Variants in CNTFR observed in about 807,000 individuals in gnomAD.
CNTFR encodes the protein ciliary neurotrophic factor receptor, also known as ciliary neurotrophic factor receptor subunit alpha.
Under a neutral mutation model 40.4 loss-of-function variants are expected in CNTFR, and 12 were observed. The observed-to-expected ratio is 0.30, with a 90% CI of 0.19 to 0.48. CNTFR has a LOEUF of 0.48. Ranked by LOEUF, CNTFR falls within the 20% of genes least tolerant of loss-of-function variation. CNTFR has a pLI of 0.99. For synonymous variants in CNTFR, 202 were observed against 209.6 expected (o/e 0.96, Z 0.31); for missense variants, 414 against 506.8 (o/e 0.82, Z 1.76).
chr9:34,552,633 A>G lies in CNTFR; in HGVS notation c.949+41T>C. 11 of 1,596,052 alleles carry G rather than the reference A, an allele frequency of 6.9e-6. No homozygotes were observed. Among genetic ancestry groups the G allele is most frequent in the Non-Finnish European group, 9.4e-6 (11 of 1,172,690 alleles). ...GCCACAGGTTCTACCACAGGCCTCC[A>G]GGACAGCAAAGCCAGGAGGTAGGGG... On this transcript the variant is annotated intron_variant, in intron 8 of 9. Coordinates refer to ENST00000378980, the MANE Select transcript of CNTFR (RefSeq NM_147164.3). This position sits in a 1 kb window ranked among gnomAD's most constrained non-coding sequence, Gnocchi z 5.1.
chr9:34,562,777 G>C (rs1170260446), intron 4 of CNTFR, among the ~76,000 whole-genome samples: 2 of 152,160 alleles, frequency 1.3e-5, no homozygotes, highest in Non-Finnish European at 2.9e-5. Context: ...CTGTTGGTGG[G>C]TACCTCCAGC....
rs1825909778 is a variant in CNTFR at position 34,557,801 on chromosome 9, T to C, written c.437+66A>G. Reference sequence around the variant, plus strand: ...AGGGCTGGGGTATGGACAGAGGGCATGGTGGTGGGATGGGGGAGAGGTCAG... The same window carrying C: ...AGGGCTGGGGTATGGACAGAGGGCACGGTGGTGGGATGGGGGAGAGGTCAG... On this transcript the variant is annotated intron_variant, in intron 5 of 9. Coordinates refer to ENST00000378980, the MANE Select transcript of CNTFR (RefSeq NM_147164.3). The surrounding 1 kb of genome is among the most constrained non-coding windows in gnomAD (Gnocchi z 4.2). 6.5e-6 allele frequency: 10 copies of C among 1,542,740 alleles called. No individual in the cohort carries two copies. Among genetic ancestry groups the C allele is most frequent in the Non-Finnish European group, 8.9e-6 (10 of 1,126,226 alleles).
intron 1 of CNTFR, among the ~76,000 whole-genome samples, chr9:34,587,213 T>C (rs1450837278): frequency 6.6e-6 from 1 of 152,206 alleles, no homozygotes; most frequent in East Asian, 1.9e-4. Flanking sequence ...GCATAAGCAT[T>C]AGAGTTCTAG....
At chr9:34,583,677 T>C (rs1335620053) in intron 1 of CNTFR, among the ~76,000 whole-genome samples, 2 of 151,716 alleles carry the variant, frequency 1.3e-5, no homozygotes, top group Non-Finnish European at 2.9e-5. Flanking sequence ...GGGGTTGTGC[T>C]GATCTGTTTC....
intron 1 of CNTFR, among the ~76,000 whole-genome samples, chr9:34,583,801 G>A (rs1480876991): frequency 6.6e-6 from 1 of 152,064 alleles, no homozygotes; most frequent in Non-Finnish European, 1.5e-5. Flanking sequence ...TTCTCTCCGG[G>A]CCTGGGCCAG....
intron 2 of CNTFR, among the ~76,000 whole-genome samples, chr9:34,574,809 CCT>C (rs1262806505): frequency 6.6e-6 from 1 of 152,224 alleles, no homozygotes; most frequent in African/African-American, 2.4e-5. Context: ...CCGTGGGGAC[CCT>C]GAGATCAGCA....
chr9:34,589,417 C>T lies in CNTFR; in HGVS notation c.-112+138G>A, dbSNP rs1470070867. On this transcript the variant is annotated intron_variant, in intron 1 of 9. Transcript: ENST00000378980. The surrounding 1 kb of genome is among the most constrained non-coding windows in gnomAD (Gnocchi z 4.4). Reference sequence around the variant, plus strand: ...CCCCGAGTTTGCAGGCAAAGTTTCTCGTGAACTTTCCTGTCGCCCCCGTCC... The same window carrying T: ...CCCCGAGTTTGCAGGCAAAGTTTCTTGTGAACTTTCCTGTCGCCCCCGTCC... The T allele has an allele frequency of 6.6e-6, 1 of 151,590 alleles. No homozygotes were observed. The highest frequency in any genetic ancestry group is 1.5e-5 in the Non-Finnish European group (1 of 67,830). The allele number at this position is 151,590 out of a possible 1,614,324, so 9.4% of individuals were successfully genotyped here. A position where few individuals can be genotyped will look rare whatever the true frequency, so the allele number is the denominator to read the frequency against.
chr9:34,570,182 G>A (rs903497501), intron 2 of CNTFR: 2 of 152,166 alleles, frequency 1.3e-5, no homozygotes, highest in Non-Finnish European at 2.9e-5. Context: ...TGCTGGCCGG[G>A]GACACTGCCC....
rs1825639580 is a variant in CNTFR at position 34,551,933 on chromosome 9, G to A, written c.*138C>T. 3 of 725,594 alleles carry A rather than the reference G, an allele frequency of 4.1e-6. No individual in the cohort carries two copies. The highest frequency in any genetic ancestry group is 2.7e-5 in the East Asian group (1 of 37,314). 44.9% of individuals were successfully genotyped at this position (725,594 alleles called of 1,614,324 possible). ...GGGGCGGCAGGCCCGGGCCCGCCGG[G>A]GTCTCCACAAATTGTGTCTGAAGAG... is the stretch of plus-strand genomic sequence containing the variant. On this transcript the variant is annotated 3_prime_UTR_variant, in exon 10 of 10. Coordinates refer to ENST00000378980, the MANE Select transcript of CNTFR (RefSeq NM_147164.3).
At position 34,552,112 on chromosome 9, in the gene CNTFR, GT is replaced by G; in HGVS notation, c.*-42del. On this transcript the variant is annotated intron_variant, in intron 9 of 9. Transcript: ENST00000378980. This position sits in a 1 kb window ranked among gnomAD's most constrained non-coding sequence, Gnocchi z 5.1. ...GGGGCCTGTCAGGGAGGGGGCTGGA[GT>G]GGGGGTTCCCTCAGGCTCCCTCTGC... 2 of 1,597,540 alleles carry G rather than the reference GT, an allele frequency of 1.3e-6. No individual in the cohort carries two copies.
At chr9:34,577,153 C>G (rs561307995) in intron 2 of CNTFR, among the ~76,000 whole-genome samples, 4 of 152,312 alleles carry the variant, frequency 2.6e-5, no homozygotes, top group East Asian at 3.9e-4. Flanking sequence ...GAGGAGTAGA[C>G]GCGGAGTCGC....
At position 34,568,886 on chromosome 9, in the gene CNTFR, T is replaced by C. The variant is rs1826437453; in HGVS notation, c.85+11A>G. On this transcript the variant is annotated intron_variant, in intron 3 of 9. Transcript: ENST00000378980. ...GAGGGGGGTCAGCAGGCGGCTCCCG[T>C]GAGCACTCACCCTGTGGACTGTGTC... The C allele has an allele frequency of 1.3e-6, 2 of 1,578,076 alleles. No individual in the cohort carries two copies. Among genetic ancestry groups the C allele is most frequent in the African/African-American group, 2.7e-5 (2 of 73,850 alleles).
chr9:34,564,912 G>A, intron 3 of CNTFR, 80 bp from the exon 4 acceptor site: 3 of 1,221,592 alleles, frequency 2.5e-6, no homozygotes, highest in East Asian at 2.4e-5. Context: ...GCTCAGACAA[G>A]AGCCTGTGAG....
intron 4 of CNTFR, among the ~76,000 whole-genome samples, chr9:34,558,307 C>G (rs552735741): frequency 1.3e-5 from 2 of 152,192 alleles, no homozygotes; most frequent in Non-Finnish European, 2.9e-5. Flanking sequence ...GGAATCGGCC[C>G]CAGCCCCACA....
At chr9:34,566,126 C>G (rs998877936) in intron 3 of CNTFR, among the ~76,000 whole-genome samples, 2 of 151,922 alleles carry the variant, frequency 1.3e-5, no homozygotes, top group African/African-American at 2.4e-5. Flanking sequence ...GTAGGGATCC[C>G]CCTTGGACCC....
chr9:34,572,413 T>C lies in CNTFR; in HGVS notation c.1-3432A>G, dbSNP rs145441037. Among the ~76,000 whole-genome samples the C allele has an allele frequency of 1.3e-3, 197 of 152,210 alleles. 2 individuals carry two copies. The highest frequency in any genetic ancestry group is 0.012 in the Admixed American group (183 of 15,302). ...AGATAGATGTGCAGGATAAATCCCA[T>C]AGAGCCCCAGATAAGGGCTCTGCAA... On this transcript the variant is annotated intron_variant, in intron 2 of 9. Coordinates refer to ENST00000378980, the MANE Select transcript of CNTFR (RefSeq NM_147164.3).
At position 34,576,929 on chromosome 9, in the gene CNTFR, C is replaced by T. The variant is rs1164778592; in HGVS notation, c.-1+4166G>A. Reference sequence around the variant, plus strand: ...GGCACCCAGATGTCTGGCCTGGCTGCAGAAAGGGCAGGAGAAGGGAAGGAG... The same window carrying T: ...GGCACCCAGATGTCTGGCCTGGCTGTAGAAAGGGCAGGAGAAGGGAAGGAG... On this transcript the variant is annotated intron_variant, in intron 2 of 9. Transcript: ENST00000378980. Among the ~76,000 whole-genome samples the T allele has an allele frequency of 2.6e-5, 4 of 152,368 alleles. No homozygotes were observed. The South Asian group carries it at 8.3e-4, about 32-fold the overall frequency.
Position 34,557,536 on chromosome 9 carries a change from C to T in CNTFR, c.594G>A (p.Glu198=). ...GHNATAITFD[E]FTIVKPDPPE... ...AACCGCCACACGTACCAATGGTGAACTCGTCAAAGGTGATAGCTGTGGCAT... is the reference window on the plus strand; with the variant it reads ...AACCGCCACACGTACCAATGGTGAATTCGTCAAAGGTGATAGCTGTGGCAT... The change falls in exon 6 of 10, where the codon GAG becomes GAA. Residue 198 remains glutamate, a synonymous_variant. Coordinates refer to ENST00000378980, the MANE Select transcript of CNTFR (RefSeq NM_147164.3). The surrounding 1 kb of genome is among the most constrained non-coding windows in gnomAD (Gnocchi z 4.2). 6.2e-7 allele frequency: 1 copy of T among 1,613,776 alleles called. No individual in the cohort carries two copies. Among genetic ancestry groups the T allele is most frequent in the African/African-American group, 1.3e-5 (1 of 75,048 alleles).
chr9:34,576,597 A>G (rs1388719570), intron 2 of CNTFR, among the ~76,000 whole-genome samples: 3 of 152,218 alleles, frequency 2.0e-5, no homozygotes. Flanking sequence ...AAAGTGAGAA[A>G]ATAAATGATT....
Sources: allele counts gnomAD v4.1 joint callset (sites outside exome capture counted in the v4.1 genomes callset), GRCh38; gene constraint gnomAD v4.1.1; non-coding constraint Gnocchi (gnomAD v3.1); transcripts MANE v1.5; gene names NCBI Gene and HGNC (gene_info 2026-07-23, HGNC 2026-07-21).